Variants in PDXDC1 observed in about 807,000 individuals in gnomAD.
PDXDC1 encodes pyridoxal-dependent decarboxylase domain-containing protein 1.
Under a neutral mutation model 100.1 loss-of-function variants are expected in PDXDC1, and 42 were observed. That is an observed-to-expected ratio of 0.42 (90% CI 0.33 to 0.54). The LOEUF (loss-of-function observed/expected upper bound fraction) is 0.54. Among genes scored for constraint, PDXDC1 ranks in the 20% least tolerant of loss-of-function variants. The probability of loss-of-function intolerance (pLI) is 0.10; values close to 1 mark genes in which losing one functional copy is unlikely to be tolerated. For synonymous variants in PDXDC1, 260 were observed against 371.7 expected (o/e 0.70, Z 3.46); for missense variants, 636 against 979.2 (o/e 0.65, Z 4.68).
intron 16 of PDXDC1, chr16:15,133,392 C>T (rs1053036015): frequency 2.5e-5 from 27 of 1,083,702 alleles, no homozygotes; most frequent in African/African-American, 1.3e-4. Flanking sequence ...ATTGCGCTGC[C>T]GTTGGGCTCT....
chr16:15,055,907 G>T, intron 16 of PDXDC1: 1 of 1,231,868 alleles, frequency 8.1e-7, no homozygotes, highest in Non-Finnish European at 1.0e-6. Flanking sequence ...AGGCGGGTGG[G>T]CTCGGACGAG....
intron 16 of PDXDC1, among the ~76,000 whole-genome samples, chr16:15,058,904 A>G (rs1393969619): frequency 2.0e-5 from 3 of 152,176 alleles, no homozygotes; most frequent in Admixed American, 2.0e-4. Context: ...AAGTGCTCAG[A>G]TTACAGGCAT....
chr16:15,095,861 G>GTGTGTGT (rs1555465769), intron 16 of PDXDC1, among the ~76,000 whole-genome samples: 2 of 134,358 alleles, frequency 1.5e-5, no homozygotes, highest in African/African-American at 5.4e-5. Context: ...AAAAAAAAAA[G>GTGTGTGT]GTGTGTGTGT....
chr16:15,085,546 G>A, intron 16 of PDXDC1: 2 of 1,555,688 alleles, frequency 1.3e-6, no homozygotes, highest in Admixed American at 1.9e-5. Context: ...TCAAACTCTT[G>A]GCCTCAAGTG....
chr16:15,013,155 G>A (rs1256085329), intron 8 of PDXDC1, among the ~76,000 whole-genome samples: 5 of 152,142 alleles, frequency 3.3e-5, no homozygotes, highest in African/African-American at 9.7e-5. Flanking sequence ...TGGTGACAGA[G>A]TGAGACTCTG....
Position 15,027,181 on chromosome 16 carries a change from G to A in PDXDC1, c.1204+475G>A, listed in dbSNP as rs2042672845. Reference sequence around the variant, plus strand: ...GACCATTCTCCACCTGGCAGAGAGGGTTATAAGTGGAAGTCACATGGTGTT... The same window carrying A: ...GACCATTCTCCACCTGGCAGAGAGGATTATAAGTGGAAGTCACATGGTGTT... On this transcript the variant is annotated intron_variant, in intron 14 of 22. Coordinates refer to ENST00000396410, the MANE Select transcript of PDXDC1 (RefSeq NM_015027.4). Among the ~76,000 whole-genome samples, 3 of 152,290 alleles carry A rather than the reference G, an allele frequency of 2.0e-5. No homozygotes were observed. In the South Asian group the frequency reaches 6.2e-4, roughly 32 times the overall value.
chr16:15,086,548 G>T (rs1419119020), intron 16 of PDXDC1: 1 of 1,547,504 alleles, frequency 6.5e-7, no homozygotes, highest in Non-Finnish European at 8.7e-7. Context: ...TCAAGAATAG[G>T]TTGGGGGGAA....
intron 16 of PDXDC1, among the ~76,000 whole-genome samples, chr16:15,054,080 C>G (rs1206303965): frequency 6.6e-6 from 1 of 152,208 alleles, no homozygotes; most frequent in Non-Finnish European, 1.5e-5. Flanking sequence ...CGGGCTGCTC[C>G]GGAGAAACTG....
intron 16 of PDXDC1, chr16:15,131,623 G>A (rs1348494015): frequency 5.0e-6 from 8 of 1,597,182 alleles, no homozygotes; most frequent in East Asian, 2.3e-5. Flanking sequence ...GGCCTGGGAC[G>A]CCACCATCCG....
intron 16 of PDXDC1, chr16:15,125,479 A>G: frequency 9.6e-7 from 1 of 1,045,760 alleles, no homozygotes; most frequent in Non-Finnish European, 1.5e-6. Flanking sequence ...AAGGACACGC[A>G]GCCCGCACAC....
chr16:15,133,614 C>T, intron 16 of PDXDC1: 1 of 1,231,368 alleles, frequency 8.1e-7, no homozygotes, highest in South Asian at 1.2e-5. Context: ...CCCTTGTAGA[C>T]ACAGAACTCC....
chr16:15,125,429 T>C, intron 16 of PDXDC1: 1 of 834,572 alleles, frequency 1.2e-6, no homozygotes, highest in South Asian at 1.3e-5. Flanking sequence ...GCAAACCTGC[T>C]CCCACGTGGT....
downstream of PDXDC1, among the ~76,000 whole-genome samples, chr16:15,042,727 T>TATTTATTTA (rs2043874351): frequency 1.5e-5 from 2 of 134,066 alleles, no homozygotes; most frequent in South Asian, 4.4e-4. Context: ...ACTATTTATT[T>TATTTATTTA]ATTTATTTAT....
At chr16:15,069,825 A>G (rs538779787) in intron 16 of PDXDC1, among the ~76,000 whole-genome samples, 13 of 152,308 alleles carry the variant, frequency 8.5e-5, no homozygotes, top group South Asian at 4.1e-4. Context: ...AAACTTTCAA[A>G]GGCAGAAACC....
At chr16:14,975,013 C>T (rs866704072), upstream of PDXDC1, 3 of 1,534,436 alleles carry the variant, frequency 2.0e-6, no homozygotes, top group East Asian at 2.4e-5. Flanking sequence ...GCTACGGGGC[C>T]CCGCCCCGCC....
At position 15,038,304 on chromosome 16, in the gene PDXDC1, T is replaced by C; in HGVS notation, c.*2029T>C. On this transcript the variant is annotated 3_prime_UTR_variant, in exon 23 of 23. Transcript: ENST00000396410. ...AAGTATCTTTGTTCTTGGACACAAA[T>C]ATATATAATAAAATACGTTAAGAAA... is the stretch of plus-strand genomic sequence containing the variant. 1.1e-6 allele frequency: 1 copy of C among 883,268 alleles called. No individual in the cohort carries two copies. Among genetic ancestry groups the C allele is most frequent in the African/African-American group, 1.7e-5 (1 of 58,614 alleles). The allele number at this position is 883,268 out of a possible 1,614,324, so 54.7% of individuals were successfully genotyped here.
intron 16 of PDXDC1, chr16:15,065,399 G>T: frequency 2.5e-6 from 4 of 1,605,536 alleles, no homozygotes; most frequent in Non-Finnish European, 3.4e-6. Flanking sequence ...AACACAGACA[G>T]AGGCATTAAC....
At chr16:15,070,714 T>C (rs1195941206) in intron 16 of PDXDC1, among the ~76,000 whole-genome samples, 2 of 152,106 alleles carry the variant, frequency 1.3e-5, no homozygotes, top group Non-Finnish European at 2.9e-5. Context: ...GGTATCTTTA[T>C]GGGCCACTGG....
At chr16:15,011,332 T>C (rs2041243915) in intron 8 of PDXDC1, among the ~76,000 whole-genome samples, 1 of 152,286 alleles carries the variant, frequency 6.6e-6, no homozygotes, top group Non-Finnish European at 1.5e-5. Flanking sequence ...TCAGTGGTCT[T>C]AGAGCTTGGA....
Sources: allele counts gnomAD v4.1 joint callset (sites outside exome capture counted in the v4.1 genomes callset), GRCh38; gene constraint gnomAD v4.1.1; transcripts MANE v1.5; gene names NCBI Gene and HGNC (gene_info 2026-07-23, HGNC 2026-07-21).